LGALS14: variants seen among roughly 807,000 people sequenced by gnomAD.
LGALS14 encodes the protein galectin 14, also known as placental protein 13-like.
In LGALS14, 14 loss-of-function variants were observed where a neutral mutation model predicts 14.6. The observed-to-expected ratio is 0.96, with a 90% CI of 0.64 to 1.50. The LOEUF is 1.50. Among genes scored for constraint, LGALS14 ranks in the 40% most tolerant of loss-of-function variants. The pLI, the probability that LGALS14 is intolerant of heterozygous loss-of-function variation, is 0.00. For missense variants in LGALS14, 180 were observed against 172.0 expected, an observed-to-expected ratio of 1.05 and a Z score of -0.26; for synonymous variants, 57 against 63.9, an observed-to-expected ratio of 0.89 and a Z score of 0.51.
intron 1 of LGALS14, chr19:39,705,695 T>C: frequency 2.0e-6 from 1 of 496,956 alleles, no homozygotes; most frequent in Non-Finnish European, 3.6e-6. Context: ...TTTAAATATC[T>C]GACTGGCAGA....
chr19:39,707,942 C>A (rs184197405), intron 3 of LGALS14, among the ~76,000 whole-genome samples: 7 of 151,940 alleles, frequency 4.6e-5, no homozygotes, highest in African/African-American at 1.5e-4. Context: ...CCCAAGTAGC[C>A]GGAATTACAG....
intron 3 of LGALS14, among the ~76,000 whole-genome samples, chr19:39,708,489 T>C (rs945199033): frequency 6.6e-6 from 1 of 152,204 alleles, no homozygotes; most frequent in South Asian, 2.1e-4. Flanking sequence ...CTCAAAAATG[T>C]GTAAATTTTA....
chr19:39,709,226 C>T lies in LGALS14; in HGVS notation c.333C>T (p.Asn111=). Residue 111 remains asparagine, a synonymous_variant, in exon 4 of 4, where the codon AAC becomes AAT. Coordinates refer to ENST00000392052, the MANE Select transcript of LGALS14 (RefSeq NM_020129.3). ...TGGTAAATGGCCAACGCATTTACAA[C>T]TTTGCCCATCGATTCCCGCCAGCAT... is the stretch of plus-strand genomic sequence containing the variant. ...KVMVNGQRIY[N]FAHRFPPASV... is the part of the protein sequence containing the mutation. 2 of 1,613,408 alleles carry T rather than the reference C, an allele frequency of 1.2e-6. No homozygotes were observed. Among genetic ancestry groups the T allele is most frequent in the Non-Finnish European group, 1.7e-6 (2 of 1,179,430 alleles).
chr19:39,705,496 C>T (rs746062791), intron 1 of LGALS14, among the ~76,000 whole-genome samples: 12 of 152,160 alleles, frequency 7.9e-5, no homozygotes, highest in Non-Finnish European at 1.5e-4. Context: ...CTTGTTCCTC[C>T]ACTCATGAAA....
At position 39,706,666 on chromosome 19, in the gene LGALS14, A is replaced by T. The variant is rs1490616085; in HGVS notation, c.85A>T (p.Thr29Ser). The T allele has an allele frequency of 2.5e-6, 4 of 1,612,804 alleles. No individual in the cohort carries two copies. The highest frequency in any genetic ancestry group is 3.3e-5 in the Admixed American group (2 of 59,998). ...CVIITGTPIL[T>S]FVKDPQLEVN... is the part of the protein sequence containing the mutation. ...GATAATCACAGGGACACCGATCCTC[A>T]CTTTTGTGTGAGTACTCCATGGTCC... The change falls in exon 2 of 4, where the codon ACT (threonine) becomes TCT (serine). Residue 29 changes from threonine to serine, a missense_variant. Thr to Ser is a moderately conservative substitution (Grantham distance 58). Transcript: ENST00000392052.
Position 39,707,290 on chromosome 19 carries a change from T to G in LGALS14, c.205T>G (p.Phe69Val). The stretch of plus-strand genomic sequence containing the variant: ...TCCTGCAATCATGAACAGTTGTGTG[T>G]TTGGCATATGGAGATATGAGGAGAA... ...GHPAIMNSCV[F>V]GIWRYEEKCY... is the part of the protein sequence containing the mutation. The change falls in exon 3 of 4, where the codon TTT becomes GTT. Residue 69 changes from phenylalanine (F) to valine (V), a missense_variant. By Grantham distance (50) the Phe-to-Val change is conservative. Coordinates refer to ENST00000392052, the MANE Select transcript of LGALS14 (RefSeq NM_020129.3). 1 of 1,614,118 alleles carries G rather than the reference T, an allele frequency of 6.2e-7. No homozygotes were observed. Among genetic ancestry groups the G allele is most frequent in the South Asian group, 1.1e-5 (1 of 91,082 alleles).
At position 39,705,972 on chromosome 19, in the gene LGALS14, G is replaced by A. The variant is rs567124884; in HGVS notation, c.16-625G>A. ...GGCTGTGCTGTCAGTAATGTGTGCC[G>A]CTTCTGGGAAGGACGTCCATTGCCC... On this transcript the variant is annotated intron_variant, in intron 1 of 3. Coordinates refer to ENST00000392052, the MANE Select transcript of LGALS14 (RefSeq NM_020129.3). 36 of 1,613,890 alleles carry A rather than the reference G, an allele frequency of 2.2e-5. No homozygotes were observed. In the East Asian group the frequency reaches 7.4e-4, roughly 33 times the overall value.
At chr19:39,708,371 T>C (rs983030267) in intron 3 of LGALS14, among the ~76,000 whole-genome samples, 2 of 152,194 alleles carry the variant, frequency 1.3e-5, no homozygotes, top group African/African-American at 4.8e-5. Flanking sequence ...TTCCAGTATT[T>C]TGCTCTCACA....
intron 3 of LGALS14, among the ~76,000 whole-genome samples, chr19:39,707,643 C>A (rs775251124): frequency 6.0e-4 from 92 of 152,156 alleles, no homozygotes; most frequent in Admixed American, 4.8e-3. Flanking sequence ...CCATAGTGCT[C>A]ATTTCTACTT....
At position 39,706,751 on chromosome 19, in the gene LGALS14, A is replaced by G; in HGVS notation, c.92+78A>G. ...TGCTAAGGGTTTAACCTTATGTGTGAGTGATGTGGAAAACTCTAGTTGGCA... is the reference window on the plus strand; with the variant it reads ...TGCTAAGGGTTTAACCTTATGTGTGGGTGATGTGGAAAACTCTAGTTGGCA... On this transcript the variant is annotated intron_variant, in intron 2 of 3. Transcript: ENST00000392052. 1.4e-5 allele frequency: 17 copies of G among 1,237,618 alleles called. No individual in the cohort carries two copies. The South Asian group carries it at 2.1e-4, about 15-fold the overall frequency. 76.7% of individuals were successfully genotyped at this position (1,237,618 alleles called of 1,614,324 possible).
intron 1 of LGALS14, chr19:39,706,159 C>G: frequency 8.6e-7 from 1 of 1,157,426 alleles, no homozygotes; most frequent in Non-Finnish European, 1.2e-6. Flanking sequence ...TAAGGCAGGT[C>G]AGTGTTTCAG....
intron 2 of LGALS14, 48 bp downstream of exon 2, chr19:39,706,721 A>G (rs1487532794): frequency 6.9e-7 from 1 of 1,447,934 alleles, no homozygotes; most frequent in Non-Finnish European, 9.7e-7. Flanking sequence ...AGAAGGGAGA[A>G]TATTTGCTAA....
intron 2 of LGALS14, 58 bp from the exon 3 acceptor site, chr19:39,707,120 G>A (rs1293280577): frequency 1.2e-5 from 16 of 1,289,218 alleles, no homozygotes; most frequent in African/African-American, 7.3e-5. Flanking sequence ...TGTGTGTGGC[G>A]AGTGTGTGTC....
chr19:39,706,632 TTCGTGCGTGATAA>T lies in LGALS14; in HGVS notation c.54_66del (p.Cys19GlnfsTer16). On this transcript the variant is annotated frameshift_variant, in exon 2 of 4. Transcript: ENST00000392052. LOFTEE classifies it high-confidence loss of function. ...CACTGCCTGTTTCCTTGCCTGTTGG[TTCGTGCGTGATAA>T]TCACAGGGACACCGATCCTCACTTT... 1 of 1,614,052 alleles carries T rather than the reference TTCGTGCGTGATAA, an allele frequency of 6.2e-7. No individual in the cohort carries two copies. Among genetic ancestry groups the T allele is most frequent in the Non-Finnish European group, 8.5e-7 (1 of 1,179,902 alleles).
rs1470301486 is a variant in LGALS14, at chr19:39,707,393, G to A, written c.303+5G>A. ...GTGCGTCACAAGGAATACAAGGTGA[G>A]TACTTCAGGATCTTCCAGCGCTGGA... On this transcript the variant is annotated splice_donor_5th_base_variant and intron_variant, in intron 3 of 3. Coordinates refer to ENST00000392052, the MANE Select transcript of LGALS14 (RefSeq NM_020129.3). The A allele has an allele frequency of 6.2e-7, 1 of 1,612,254 alleles. No individual in the cohort carries two copies. Among genetic ancestry groups the A allele is most frequent in the Admixed American group, 1.7e-5 (1 of 60,006 alleles).
At chr19:39,707,594 G>T (rs1208275296) in intron 3 of LGALS14, among the ~76,000 whole-genome samples, 1 of 152,134 alleles carries the variant, frequency 6.6e-6, no homozygotes, top group East Asian at 1.9e-4. Flanking sequence ...CGGCTCACCT[G>T]CCATTTCCTC....
rs767154331 is a variant in LGALS14 at position 39,707,369 on chromosome 19, T to A, written c.284T>A (p.Val95Glu). ...AAACCATTTGAGCTGTGCATCTATG[T>A]GCGTCACAAGGAATACAAGGTGAGT... The part of the protein sequence containing the change: ...DGKPFELCIY[V>E]RHKEYKVMVN... Residue 95 changes from valine (V) to glutamate (E), a missense_variant, in exon 3 of 4, where the codon GTG becomes GAG. Coordinates refer to ENST00000392052, the MANE Select transcript of LGALS14 (RefSeq NM_020129.3). 1.2e-6 allele frequency: 2 copies of A among 1,614,054 alleles called. No homozygotes were observed. The highest frequency in any genetic ancestry group is 2.2e-5 in the South Asian group (2 of 91,076).
Position 39,709,231 on chromosome 19 carries a change from C to T in LGALS14, c.338C>T (p.Ala113Val). 1 of 1,613,130 alleles carries T rather than the reference C, an allele frequency of 6.2e-7. No individual in the cohort carries two copies. Among genetic ancestry groups the T allele is most frequent in the South Asian group, 1.1e-5 (1 of 91,048 alleles). The change falls in exon 4 of 4, where the codon GCC (alanine) becomes GTC (valine). Residue 113 changes from alanine to valine, a missense_variant. Ala to Val is a moderately conservative substitution (Grantham distance 64, BLOSUM62 0). Coordinates refer to ENST00000392052, the MANE Select transcript of LGALS14 (RefSeq NM_020129.3). ...AATGGCCAACGCATTTACAACTTTG[C>T]CCATCGATTCCCGCCAGCATCTGTG... is the stretch of plus-strand genomic sequence containing the variant. ...MVNGQRIYNF[A>V]HRFPPASVKM...
At chr19:39,709,022 G>A (rs766861626) in intron 3 of LGALS14, among the ~76,000 whole-genome samples, 175 bp from the exon 4 acceptor site, 12 of 152,146 alleles carry the variant, frequency 7.9e-5, no homozygotes, top group Non-Finnish European at 1.8e-4. Context: ...ATGAGCATCT[G>A]TCTCAAATAG....
Sources: gnomAD v4.1 joint callset for allele counts (sites outside exome capture counted in the v4.1 genomes callset) on GRCh38, gnomAD v4.1.1 for gene constraint, MANE v1.5 for transcripts, NCBI Gene and HGNC (gene_info 2026-07-23, HGNC 2026-07-21) for gene names.